Variants in IST1 observed in about 807,000 individuals in gnomAD.
IST1 encodes the protein IST1 homolog.
In IST1, 23 loss-of-function variants were observed where a neutral mutation model predicts 37.0. That is an observed-to-expected ratio of 0.62 (90% CI 0.45 to 0.88). The LOEUF (loss-of-function observed/expected upper bound fraction) is 0.88, where lower values mean the gene tolerates loss of function less well. Among genes scored for constraint, IST1 ranks in the 40% least tolerant of loss-of-function variants. IST1 has a pLI of 0.00. For synonymous variants in IST1, 180 were observed against 161.7 expected, an observed-to-expected ratio of 1.11 and a Z score of -0.86; for missense variants, 488 against 445.4, an observed-to-expected ratio of 1.10 and a Z score of -0.86.
In IST1 at chr16:71,930,057, G is replaced by A. The variant is rs773882952; in HGVS notation, c.*2244G>A. Reference sequence around the variant, plus strand: ...TTTATCTTTTAGTTACCTACCTTAAGCGACTTTCTTTCTTTTCCAAAGGCC... The same window carrying A: ...TTTATCTTTTAGTTACCTACCTTAAACGACTTTCTTTCTTTTCCAAAGGCC... On this transcript the variant is annotated 3_prime_UTR_variant, in exon 10 of 10. Transcript: ENST00000378799. 4.5e-6 allele frequency: 7 copies of A among 1,548,654 alleles called. No homozygotes were observed. In the African/African-American group the frequency reaches 8.2e-5, roughly 18 times the overall value.
intron 1 of IST1, among the ~76,000 whole-genome samples, chr16:71,900,673 A>ATT (rs10679287): frequency 0.8 from 121,176 of 151,934 alleles, 48,655 homozygotes; most frequent in East Asian, 0.98. Context: ...AGATAAGTAT[A>ATT]TATGTATATA....
chr16:71,911,617 A>G (rs570810224), intron 1 of IST1, among the ~76,000 whole-genome samples: 1 of 152,206 alleles, frequency 6.6e-6, no homozygotes, highest in South Asian at 2.1e-4. Flanking sequence ...ATCAGTTTCT[A>G]ATTGGTGGAA....
intron 9 of IST1, among the ~76,000 whole-genome samples, chr16:71,925,779 T>C (rs565488609): frequency 6.6e-6 from 1 of 151,992 alleles, no homozygotes; most frequent in Non-Finnish European, 1.5e-5. Flanking sequence ...GCAAGATCCT[T>C]GTTTCCACAA....
intron 2 of IST1, among the ~76,000 whole-genome samples, chr16:71,916,140 T>C (rs1378710479): frequency 1.3e-5 from 2 of 152,204 alleles, no homozygotes; most frequent in Non-Finnish European, 2.9e-5. Context: ...CCTGGGATCA[T>C]ATCTTTTAAG....
In IST1 at chr16:71,921,359, G is replaced by T; in HGVS notation, c.458G>T (p.Ser153Ile). The T allele has an allele frequency of 6.2e-7, 1 of 1,611,648 alleles. No individual in the cohort carries two copies. Among genetic ancestry groups the T allele is most frequent in the Non-Finnish European group, 8.5e-7 (1 of 1,178,434 alleles). Residue 153 changes from serine to isoleucine, a missense_variant, in exon 6 of 10, where the codon AGT (serine) becomes ATT (isoleucine). Coordinates refer to ENST00000378799, the MANE Select transcript of IST1 (RefSeq NM_001270975.2). The stretch of plus-strand genomic sequence containing the variant: ...TACTTACAGCTAATGCACAAGCTGA[G>T]TGTGGAAGCCCCACCCAAAATCCTG... The part of the protein sequence containing the change: ...TVNDRLMHKL[S>I]VEAPPKILVE...
At position 71,922,475 on chromosome 16, in the gene IST1, C is replaced by T. The variant is rs2037619436; in HGVS notation, c.554C>T (p.Ala185Val). The change falls in exon 7 of 10, where the codon GCA (alanine) becomes GTA (valine). Residue 185 changes from alanine to valine, a missense_variant and splice_region_variant. This residue lies in a region of IST1 where 455 missense variants were observed against 386.2 expected (regional missense o/e 1.18). Coordinates refer to ENST00000378799, the MANE Select transcript of IST1 (RefSeq NM_001270975.2). ...CCTGGGTTTCTCTTTTTTTCTCAGG[C>T]AGAAGCTCCTCCTGGGGTAGAGACA... ...VPYEPDSVVM[A>V]EAPPGVETDL... The T allele has an allele frequency of 6.2e-7, 1 of 1,612,776 alleles. No individual in the cohort carries two copies. The highest frequency in any genetic ancestry group is 8.5e-7 in the Non-Finnish European group (1 of 1,179,530).
chr16:71,916,984 CA>C lies in IST1; in HGVS notation c.270-59del, dbSNP rs1233800463. 2.7e-6 allele frequency: 3 copies of C among 1,108,932 alleles called. No homozygotes were observed. In the African/African-American group the frequency reaches 4.7e-5, roughly 17 times the overall value. The allele number at this position is 1,108,932 out of a possible 1,614,324, so 68.7% of individuals were successfully genotyped here. A position where few individuals can be genotyped will look rare whatever the true frequency, so the allele number is the denominator to read the frequency against. On this transcript the variant is annotated intron_variant, in intron 3 of 9. Transcript: ENST00000378799. ...TTTGGAGGCTATAAAGTATATGAAA[CA>C]AAAGCTAGGATTTTGTTGGTTTGTT...
chr16:71,910,093 TTGTC>T (rs1456102337), intron 1 of IST1, among the ~76,000 whole-genome samples: 1 of 152,208 alleles, frequency 6.6e-6, no homozygotes, highest in African/African-American at 2.4e-5. Context: ...CATGTTTTCA[TTGTC>T]TGGGGTTTCA....
intron 4 of IST1, among the ~76,000 whole-genome samples, chr16:71,917,766 G>C (rs891506710): frequency 2.0e-5 from 3 of 151,264 alleles, no homozygotes; most frequent in Non-Finnish European, 4.4e-5. Flanking sequence ...TTCTTTTCTA[G>C]GTTTTTTTCA....
At chr16:71,908,402 C>T (rs2037276982) in intron 1 of IST1, among the ~76,000 whole-genome samples, 1 of 141,528 alleles carries the variant, frequency 7.1e-6, no homozygotes, top group Non-Finnish European at 1.5e-5. Context: ...CCAGTTCAAG[C>T]GATTCTCCTG....
At position 71,928,858 on chromosome 16, in the gene IST1, A is replaced by C. The variant is rs1342738787; in HGVS notation, c.*1045A>C. 1.3e-5 allele frequency: 2 copies of C among 152,252 alleles called. No individual in the cohort carries two copies. Among genetic ancestry groups the C allele is most frequent in the African/African-American group, 4.8e-5 (2 of 41,462 alleles). The allele number at this position is 152,252 out of a possible 1,614,324, so 9.4% of individuals were successfully genotyped here. A position where few individuals can be genotyped will look rare whatever the true frequency, so the allele number is the denominator to read the frequency against. The stretch of plus-strand genomic sequence containing the variant: ...CCCATAGCTAAGGTCATCCTTCCCC[A>C]CAGGGGTGGCTTTGGGATTGGATGA... On this transcript the variant is annotated 3_prime_UTR_variant, in exon 10 of 10. Coordinates refer to ENST00000378799, the MANE Select transcript of IST1 (RefSeq NM_001270975.2).
At chr16:71,914,733 CTCTT>C (rs1041619135) in intron 1 of IST1, among the ~76,000 whole-genome samples, 5 of 152,136 alleles carry the variant, frequency 3.3e-5, no homozygotes, top group East Asian at 1.9e-4. Context: ...ATTCCTACTG[CTCTT>C]TCTTTCTTTG....
At chr16:71,921,138 C>T in intron 5 of IST1, 1 of 600,082 alleles carries the variant, frequency 1.7e-6, no homozygotes, top group South Asian at 2.0e-5. Context: ...TTGCCAGCAT[C>T]TGGGTCATGT....
chr16:71,915,826 TA>T (rs1190759601), intron 2 of IST1, 98 bp downstream of exon 2: 26 of 727,278 alleles, frequency 3.6e-5, no homozygotes, highest in Non-Finnish European at 5.7e-5. Context: ...TTAGGGATCA[TA>T]TTTTTTTTTG....
chr16:71,904,593 A>G (rs1315629467), intron 1 of IST1, among the ~76,000 whole-genome samples: 9 of 152,036 alleles, frequency 5.9e-5, no homozygotes, highest in Admixed American at 3.3e-4. Flanking sequence ...TTTATTTTTA[A>G]TTGTAGAGAT....
intron 1 of IST1, among the ~76,000 whole-genome samples, chr16:71,914,377 G>T (rs1238519434): frequency 6.7e-6 from 1 of 150,070 alleles, no homozygotes; most frequent in Non-Finnish European, 1.5e-5. Context: ...GGCCAGGATG[G>T]TCTCCATCTC....
intron 9 of IST1, among the ~76,000 whole-genome samples, chr16:71,926,538 G>C (rs1348023950): frequency 1.3e-5 from 2 of 151,644 alleles, no homozygotes; most frequent in Non-Finnish European, 2.9e-5. Context: ...AGTAGAGATG[G>C]GGTTTCACCA....
chr16:71,900,384 C>T (rs561364551), intron 1 of IST1, among the ~76,000 whole-genome samples: 27 of 129,640 alleles, frequency 2.1e-4, no homozygotes, highest in African/African-American at 7.9e-4. Context: ...TTGAATAGAG[C>T]TTTCAGGATC....
intron 8 of IST1, chr16:71,924,030 T>C (rs1156367571): frequency 2.3e-6 from 1 of 443,698 alleles, no homozygotes; most frequent in Non-Finnish European, 4.5e-6. Flanking sequence ...ATTACTCATC[T>C]AGGAAGATCT....
Sources: allele counts gnomAD v4.1 joint callset (sites outside exome capture counted in the v4.1 genomes callset), GRCh38; gene constraint gnomAD v4.1.1; regional missense constraint gnomAD v4.1.1; transcripts MANE v1.5; gene names NCBI Gene and HGNC (gene_info 2026-07-23, HGNC 2026-07-21).